Variants in PRH1 observed in about 807,000 individuals in gnomAD.
PRH1 encodes the protein salivary acidic proline-rich phosphoprotein 1/2.
Under a neutral mutation model 7.9 loss-of-function variants are expected in PRH1, and 7 were observed. The observed-to-expected ratio is 0.89, with a 90% CI of 0.50 to 1.67. The LOEUF (loss-of-function observed/expected upper bound fraction) is 1.67, where lower values mean the gene tolerates loss of function less well. PRH1 is among the 40% of genes most tolerant of loss of function. The probability of loss-of-function intolerance (pLI) is 0.00; values close to 1 mark genes in which losing one functional copy is unlikely to be tolerated. For missense variants in PRH1, 109 were observed against 223.6 expected (o/e 0.49, Z 3.27); for synonymous variants, 45 against 80.8 (o/e 0.56, Z 2.38).
At chr12:11,122,006 TAAAC>T (rs1037849916) in intron 1 of PRH1, among the ~76,000 whole-genome samples, 10 of 152,366 alleles carry the variant, frequency 6.6e-5, no homozygotes, top group Admixed American at 2.6e-4. Context: ...TATCATATAA[TAAAC>T]ATACATATAT....
chr12:11,019,800 A>G (rs1377692041), intron 1 of PRH1, among the ~76,000 whole-genome samples: 2 of 152,292 alleles, frequency 1.3e-5, no homozygotes, highest in Non-Finnish European at 2.9e-5. Flanking sequence ...GTCATACTGA[A>G]GGAGAAAGAG....
chr12:11,084,099 G>A (rs1285023438), intron 1 of PRH1, among the ~76,000 whole-genome samples: 19,691 of 83,860 alleles, frequency 0.23, 1,217 homozygotes, highest in Non-Finnish European at 0.31. Context: ...AGATAGCACG[G>A]TCCAACCCCA....
upstream of PRH1, among the ~76,000 whole-genome samples, chr12:10,887,415 T>C (rs563569191): frequency 1.3e-5 from 2 of 152,202 alleles, no homozygotes; most frequent in Admixed American, 1.3e-4. Context: ...GTCTAAAAAG[T>C]TTGGTGACAC....
chr12:10,979,626 T>A (rs1419750579), intron 1 of PRH1, among the ~76,000 whole-genome samples: 1 of 152,192 alleles, frequency 6.6e-6, no homozygotes, highest in Admixed American at 6.5e-5. Context: ...ATTTGCACTT[T>A]TGCAGGCTCT....
intron 1 of PRH1, among the ~76,000 whole-genome samples, chr12:11,044,028 C>T (rs752897071): frequency 2.2e-4 from 34 of 152,086 alleles, no homozygotes; most frequent in Non-Finnish European, 4.7e-4. Context: ...ATCATGTTAC[C>T]TGACTTCATA....
chr12:10,965,322 T>C lies in PRH1; in HGVS notation c.-59+8333A>G. 5.4e-6 allele frequency: 7 copies of C among 1,287,482 alleles called. No homozygotes were observed. In the South Asian group the frequency reaches 7.0e-5, roughly 13 times the overall value. 79.8% of individuals were successfully genotyped at this position (1,287,482 alleles called of 1,614,324 possible). A position where few individuals can be genotyped will look rare whatever the true frequency, so the allele number is the denominator to read the frequency against. On this transcript the variant is annotated intron_variant, in intron 2 of 3. Transcript: ENST00000539853. ...AGAACAAATGTAACCACTACTAGAA[T>C]GGAAAAAATGATGGGTAGAAAAGTT...
intron 2 of PRH1, among the ~76,000 whole-genome samples, chr12:10,892,419 T>C (rs1949587379): frequency 6.6e-6 from 1 of 152,146 alleles, no homozygotes; most frequent in Admixed American, 6.5e-5. Flanking sequence ...TATTTTAGAT[T>C]AAGAGATGAG....
chr12:11,032,802 A>G (rs1186238271), intron 1 of PRH1, among the ~76,000 whole-genome samples: 2 of 152,204 alleles, frequency 1.3e-5, no homozygotes, highest in Admixed American at 6.5e-5. Flanking sequence ...TCACAGGAAG[A>G]CTGACTACCT....
At chr12:10,961,424 C>T (rs1185961617) in intron 2 of PRH1, among the ~76,000 whole-genome samples, 1 of 151,040 alleles carries the variant, frequency 6.6e-6, no homozygotes, top group African/African-American at 2.5e-5. Flanking sequence ...GATTGCCCCT[C>T]TAAGCATGAG....
intron 3 of PRH1, among the ~76,000 whole-genome samples, chr12:10,881,730 T>C (rs898299970): frequency 6.6e-6 from 1 of 152,152 alleles, no homozygotes; most frequent in Non-Finnish European, 1.5e-5. Flanking sequence ...TTCGGTTCAG[T>C]GAGATTAGTT....
At chr12:11,067,274 G>A (rs1484319036) in intron 1 of PRH1, among the ~76,000 whole-genome samples, 2 of 152,138 alleles carry the variant, frequency 1.3e-5, no homozygotes, top group Admixed American at 6.5e-5. Flanking sequence ...GTGTACACAT[G>A]ATTAGTATTG....
intron 2 of PRH1, among the ~76,000 whole-genome samples, chr12:10,962,879 C>T (rs1004264410): frequency 1.3e-5 from 2 of 152,210 alleles, no homozygotes; most frequent in African/African-American, 2.4e-5. Context: ...ATGCCATTCT[C>T]CTGCCTCAGC....
intron 1 of PRH1, among the ~76,000 whole-genome samples, chr12:11,149,253 A>G (rs1403829222): frequency 3.9e-5 from 6 of 152,038 alleles, no homozygotes; most frequent in Non-Finnish European, 5.9e-5. Flanking sequence ...GGATTCATTA[A>G]TTTTTTGAAA....
At chr12:11,093,711 A>T (rs1419093132) in intron 1 of PRH1, among the ~76,000 whole-genome samples, 2 of 115,346 alleles carry the variant, frequency 1.7e-5, no homozygotes, top group African/African-American at 5.8e-5. Flanking sequence ...TTACCCCTGA[A>T]CTTGGAATTC....
chr12:11,103,992 G>C (rs978234076), intron 1 of PRH1, among the ~76,000 whole-genome samples: 1 of 151,802 alleles, frequency 6.6e-6, no homozygotes, highest in Non-Finnish European at 1.5e-5. Context: ...CACGTGTTTA[G>C]ATGGGCTTGT....
At chr12:11,026,634 G>C (rs1393813577) in intron 1 of PRH1, among the ~76,000 whole-genome samples, 3 of 152,002 alleles carry the variant, frequency 2.0e-5, no homozygotes, top group Non-Finnish European at 4.4e-5. Flanking sequence ...AGTTACAGGG[G>C]ATGGTAGTCC....
intron 2 of PRH1, chr12:10,965,102 G>A (rs1282340167): frequency 7.6e-6 from 10 of 1,316,154 alleles, no homozygotes; most frequent in Admixed American, 3.6e-5. Context: ...GGCATTAATA[G>A]TAGTAATTCT....
At chr12:10,921,523 C>T (rs985111012) in intron 2 of PRH1, among the ~76,000 whole-genome samples, 9 of 152,044 alleles carry the variant, frequency 5.9e-5, no homozygotes, top group Non-Finnish European at 1.3e-4. Context: ...TTCTGCTTCT[C>T]GTATTTCTTG....
At chr12:10,929,442 G>C in intron 2 of PRH1, 2 of 1,381,576 alleles carry the variant, frequency 1.4e-6, no homozygotes, top group South Asian at 2.5e-5. Context: ...AAAACAGATA[G>C]GACTGAAGAG....
Sources: gnomAD v4.1 joint callset for allele counts (sites outside exome capture counted in the v4.1 genomes callset) on GRCh38, gnomAD v4.1.1 for gene constraint, MANE v1.5 for transcripts, NCBI Gene and HGNC (gene_info 2026-07-23, HGNC 2026-07-21) for gene names.